The following RYR3 variants were observed in gnomAD, a reference collection of about 807,000 sequenced individuals.
RYR3 encodes brain ryanodine receptor-calcium release channel.
RYR3 carries 207 observed loss-of-function variants against 584.3 expected under a neutral mutation model. That is an observed-to-expected ratio of 0.35 (90% CI 0.32 to 0.40). RYR3 has a LOEUF of 0.40. RYR3 is among the 10% of genes least tolerant of loss of function. The probability of loss-of-function intolerance (pLI) is 1.00; values close to 1 mark genes in which losing one functional copy is unlikely to be tolerated. For synonymous variants in RYR3, 2,416 were observed against 2,248.5 expected (o/e 1.07, Z -2.11); for missense variants, 5,616 against 6,089.2 (o/e 0.92, Z 2.59).
intron 3 of RYR3, among the ~76,000 whole-genome samples, chr15:33,510,911 T>C (rs1468238086): frequency 6.6e-6 from 1 of 152,216 alleles, no homozygotes; most frequent in African/African-American, 2.4e-5. Context: ...TAAGCTGATA[T>C]TTATGAAGAT....
Position 33,834,978 on chromosome 15 carries a change from T to C in RYR3, c.11474T>C (p.Ile3825Thr). The C allele has an allele frequency of 2.5e-6, 4 of 1,613,930 alleles. No individual in the cohort carries two copies. Among genetic ancestry groups the C allele is most frequent in the East Asian group, 2.2e-5 (1 of 44,878 alleles). ...SLTEYIQGPC[I>T]GNQQSLAHSR... ...TCCTCTTCTCTGCAGGGCCCTTGCA[T>C]TGGTAATCAACAGAGCCTGGCTCAC... Residue 3825 changes from isoleucine (I) to threonine (T), a missense_variant, in exon 87 of 104, where the codon ATT (isoleucine) becomes ACT (threonine). Ile to Thr is a moderately conservative substitution (Grantham distance 89). Around this residue, in one of 9 missense-constraint regions of RYR3, gnomAD observed 954 missense variants for 1,132.2 expected, o/e 0.84. Transcript: ENST00000634891.
chr15:33,767,177 C>G (rs780131352), intron 60 of RYR3, among the ~76,000 whole-genome samples: 12 of 152,322 alleles, frequency 7.9e-5, no homozygotes, highest in South Asian at 2.1e-4. Flanking sequence ...TGATGACTCT[C>G]TACAGTGAGA....
At chr15:33,514,714 G>C (rs1450305111) in intron 3 of RYR3, among the ~76,000 whole-genome samples, 1 of 151,738 alleles carries the variant, frequency 6.6e-6, no homozygotes, top group African/African-American at 2.4e-5. Context: ...AAAATCTCCA[G>C]TTGTTGGCCA....
intron 1 of RYR3, among the ~76,000 whole-genome samples, chr15:33,394,388 A>G (rs548451635): frequency 6.6e-6 from 1 of 152,362 alleles, no homozygotes; most frequent in South Asian, 2.1e-4. Context: ...AGTATGTAGT[A>G]ATCTGAGTCC....
At chr15:33,603,573 A>G (rs1204857721) in intron 18 of RYR3, among the ~76,000 whole-genome samples, 2 of 152,236 alleles carry the variant, frequency 1.3e-5, no homozygotes. Flanking sequence ...GGTCTAGTGC[A>G]GATCACTTCT....
intron 1 of RYR3, among the ~76,000 whole-genome samples, chr15:33,446,016 T>C (rs948153019): frequency 6.6e-6 from 1 of 152,206 alleles, no homozygotes; most frequent in Non-Finnish European, 1.5e-5. Flanking sequence ...TTAAGTGTGA[T>C]TGTCCAGATT....
chr15:33,854,925 C>G lies in RYR3; in HGVS notation c.14007+13C>G, dbSNP rs1176734468. ...CAATGGCAAACAGGTATGGTTTCTACTGATGCAGAACAGAATGGACCTGTA... is the reference window on the plus strand; with the variant it reads ...CAATGGCAAACAGGTATGGTTTCTAGTGATGCAGAACAGAATGGACCTGTA... On this transcript the variant is annotated intron_variant, in intron 98 of 103. Transcript: ENST00000634891. 1.2e-6 allele frequency: 2 copies of G among 1,605,082 alleles called. No individual in the cohort carries two copies. The highest frequency in any genetic ancestry group is 1.1e-5 in the South Asian group (1 of 88,684).
rs267604158 is a variant in RYR3 at position 33,841,868 on chromosome 15, G to A, written c.13042G>A (p.Glu4348Lys). Reference sequence around the variant, plus strand: ...GTGGGTTTCCCATTTCTGCAGCATGGAAGATGGAGAGAAGGAAGACAAAGA... The same window carrying A: ...GTGGGTTTCCCATTTCTGCAGCATGAAAGATGGAGAGAAGGAAGACAAAGA... ...GKVESEKADMEDGEKEDKDKE... is the reference protein window; with the variant it reads ...GKVESEKADMKDGEKEDKDKE... Residue 4348 changes from glutamate (E) to lysine (K), a missense_variant, in exon 91 of 104, where the codon GAA becomes AAA. Physicochemically the swap from Glu to Lys is moderately conservative, Grantham distance 56. Transcript: ENST00000634891. 2.5e-6 allele frequency: 4 copies of A among 1,591,120 alleles called. No individual in the cohort carries two copies. The South Asian group carries it at 4.6e-5, about 18-fold the overall frequency.
chr15:33,515,504 A>T (rs932838825), intron 3 of RYR3, among the ~76,000 whole-genome samples: 16 of 152,228 alleles, frequency 1.1e-4, no homozygotes, highest in African/African-American at 3.9e-4. Context: ...TGGAATGCCA[A>T]TTCCTCTTTT....
intron 41 of RYR3, 124 bp from the exon 42 acceptor site, chr15:33,700,853 C>T: frequency 1.6e-6 from 1 of 607,926 alleles, no homozygotes; most frequent in Admixed American, 2.6e-5. Flanking sequence ...GGAGAACGGT[C>T]ATGTAAGCCA....
chr15:33,813,649 GCT>G, intron 74 of RYR3, 70 bp downstream of exon 74: 1 of 1,208,938 alleles, frequency 8.3e-7, no homozygotes, highest in South Asian at 1.2e-5. Flanking sequence ...CCACAGCTGT[GCT>G]CTCTCACTCT....
chr15:33,722,572 C>T, intron 43 of RYR3, 143 bp from the exon 44 acceptor site: 4 of 731,502 alleles, frequency 5.5e-6, no homozygotes, highest in Non-Finnish European at 9.3e-6. Context: ...TTCTCCACTC[C>T]CACTGCCCAC....
chr15:33,508,419 G>A (rs569165534), intron 3 of RYR3, among the ~76,000 whole-genome samples: 1 of 152,230 alleles, frequency 6.6e-6, no homozygotes, highest in South Asian at 2.1e-4. Flanking sequence ...GGAGGCTGAG[G>A]CGGGCGGATC....
rs1055714170 is a variant in RYR3, at chr15:33,634,710, T to C, written c.3152T>C (p.Ile1051Thr). The C allele has an allele frequency of 1.2e-5, 20 of 1,613,972 alleles. No individual in the cohort carries two copies. In the East Asian group the frequency reaches 1.3e-4, roughly 11 times the overall value. ...ACTTTTGTTGGTTACGGGTATAACATTGAGCCATCAGACCAAGAACTAGGT... is the reference window on the plus strand; with the variant it reads ...ACTTTTGTTGGTTACGGGTATAACACTGAGCCATCAGACCAAGAACTAGGT... ...VRTFVGYGYN[I>T]EPSDQELADS... is the part of the protein sequence containing the mutation. Residue 1051 changes from isoleucine to threonine, a missense_variant, in exon 25 of 104, where the codon ATT becomes ACT. By Grantham distance (89) the Ile-to-Thr change is moderately conservative (BLOSUM62 -1). Coordinates refer to ENST00000634891, the MANE Select transcript of RYR3 (RefSeq NM_001036.6).
At position 33,336,481 on chromosome 15, in the gene RYR3, AG is replaced by A. The variant is rs1567047116; in HGVS notation, c.51+25386del. ...GAGAGAGAGAGAGAGAGAGAGAGAG[AG>A]AGAGAAAGAAAGAAAGAAAGAAGGA... On this transcript the variant is annotated intron_variant, in intron 1 of 103. Transcript: ENST00000634891. Among the ~76,000 whole-genome samples, 17 of 30,836 alleles carry A rather than the reference AG, an allele frequency of 5.5e-4. 3 individuals carry two copies. Among genetic ancestry groups the A allele is most frequent in the Admixed American group, 9.2e-4 (3 of 3,256 alleles). 20.2% of individuals were successfully genotyped at this position (30,836 alleles called of 152,430 possible). A position where few individuals can be genotyped will look rare whatever the true frequency, so the allele number is the denominator to read the frequency against.
intron 4 of RYR3, 57 bp from the exon 5 acceptor site, chr15:33,533,254 G>A: frequency 2.5e-6 from 3 of 1,205,406 alleles, no homozygotes; most frequent in Non-Finnish European, 3.6e-6. Flanking sequence ...CTAGTGGTAA[G>A]ATACCAAGAC....
In RYR3 at chr15:33,857,294, C is replaced by T. The variant is rs539196586; in HGVS notation, c.14008-486C>T. 3.3e-5 allele frequency among the ~76,000 whole-genome samples: 5 copies of T among 152,208 alleles called. No individual in the cohort carries two copies. In the South Asian group the frequency reaches 6.2e-4, roughly 19 times the overall value. On this transcript the variant is annotated intron_variant, in intron 98 of 103. Transcript: ENST00000634891. ...TCAGGGGCCTCTCTGTGGCTGTAGA[C>T]AGCACCCTCTCGCTGCCGCTTCCCC... is the stretch of plus-strand genomic sequence containing the variant.
chr15:33,780,470 T>A (rs182223966), intron 65 of RYR3, 129 bp downstream of exon 65: 1 of 873,618 alleles, frequency 1.1e-6, no homozygotes, highest in African/African-American at 1.7e-5. Context: ...GAGGTGAGGT[T>A]AGGGACTAGG....
chr15:33,854,853 G>C lies in RYR3; in HGVS notation c.13948G>C (p.Ala4650Pro). The change falls in exon 98 of 104, where the codon GCA (alanine) becomes CCA (proline). Residue 4650 changes from alanine (A) to proline (P), a missense_variant. By Grantham distance (27) the Ala-to-Pro change is conservative. Around this residue, in one of 9 missense-constraint regions of RYR3, gnomAD observed 918 missense variants for 887.4 expected, o/e 1.03. Transcript: ENST00000634891. ...CTTTGCTGCTCACCTATTGGACATC[G>C]CAATGGGCTTCAAGACACTGAGGAC... ...FFFAAHLLDIAMGFKTLRTIL... is the reference protein window; with the variant it reads ...FFFAAHLLDIPMGFKTLRTIL... 6.2e-7 allele frequency: 1 copy of C among 1,613,662 alleles called. No homozygotes were observed. Among genetic ancestry groups the C allele is most frequent in the Non-Finnish European group, 8.5e-7 (1 of 1,179,794 alleles).
Sources: gnomAD v4.1 joint callset for allele counts (sites outside exome capture counted in the v4.1 genomes callset) on GRCh38, gnomAD v4.1.1 for gene constraint, gnomAD v4.1.1 regional missense constraint, MANE v1.5 for transcripts, NCBI Gene and HGNC (gene_info 2026-07-23, HGNC 2026-07-21) for gene names.